PPP2CA: variants seen among roughly 807,000 people sequenced by gnomAD.
PPP2CA encodes serine/threonine-protein phosphatase 2A catalytic subunit alpha isoform.
A neutral mutation model predicts 38.8 loss-of-function variants in PPP2CA; 5 were observed. That is an observed-to-expected ratio of 0.13 (90% CI 0.07 to 0.27). PPP2CA has a LOEUF of 0.27. Ranked by LOEUF, PPP2CA falls within the 10% of genes least tolerant of loss-of-function variation. The probability of loss-of-function intolerance (pLI) is 1.00; values close to 1 mark genes in which losing one functional copy is unlikely to be tolerated. For missense variants in PPP2CA, 88 were observed against 389.7 expected, an observed-to-expected ratio of 0.23 and a Z score of 6.52; for synonymous variants, 152 against 134.0, an observed-to-expected ratio of 1.13 and a Z score of -0.93.
At chr5:134,200,525 C>G in intron 4 of PPP2CA, 29 bp from the exon 5 acceptor site, 1 of 1,604,840 alleles carries the variant, frequency 6.2e-7, no homozygotes, top group East Asian at 2.2e-5. Flanking sequence ...TTATAAAATG[C>G]CTTTTACAAA....
At chr5:134,199,267 C>G in intron 5 of PPP2CA, 63 bp from the exon 6 acceptor site, 1 of 1,247,344 alleles carries the variant, frequency 8.0e-7, no homozygotes, top group Non-Finnish European at 1.2e-6. Flanking sequence ...TGTTACTTCA[C>G]TCAAGAGAGA....
intron 6 of PPP2CA, 104 bp from the exon 7 acceptor site, chr5:134,197,948 T>G: frequency 1.0e-6 from 1 of 973,858 alleles, no homozygotes. Context: ...CCTATTCAAT[T>G]TTGGCTTGTC....
intron 1 of PPP2CA, among the ~76,000 whole-genome samples, chr5:134,215,575 A>AAAAAAT (rs150330825): frequency 3.3e-5 from 5 of 149,256 alleles, no homozygotes; most frequent in South Asian, 2.1e-4. Flanking sequence ...ACTCCATCTC[A>AAAAAAT]AAAAATAAAA....
rs752698083 is a variant in PPP2CA, at chr5:134,206,228, C to G, written c.103-97G>C. ...CACTTAATGTAGCTTAAGGGGCAGACTCAGTCTAAGATAAAATTGCAGGCA... is the reference window on the plus strand; with the variant it reads ...CACTTAATGTAGCTTAAGGGGCAGAGTCAGTCTAAGATAAAATTGCAGGCA... On this transcript the variant is annotated intron_variant, in intron 1 of 6. Transcript: ENST00000481195. 181 of 1,041,348 alleles carry G rather than the reference C, an allele frequency of 1.7e-4. 1 individual carries two copies. Among genetic ancestry groups the G allele is most frequent in the Non-Finnish European group, 1.3e-4 (94 of 702,806 alleles). The allele number at this position is 1,041,348 out of a possible 1,614,324, so 64.5% of individuals were successfully genotyped here.
At chr5:134,225,563 G>A in intron 1 of PPP2CA, 197 bp downstream of exon 1, 1 of 500,576 alleles carries the variant, frequency 2.0e-6, no homozygotes, top group South Asian at 2.6e-5. Flanking sequence ...TTAGGCGGCG[G>A]CGGCAACCAA....
chr5:134,223,877 T>A (rs1460808277), intron 1 of PPP2CA, among the ~76,000 whole-genome samples: 1 of 152,246 alleles, frequency 6.6e-6, no homozygotes, highest in Non-Finnish European at 1.5e-5. Flanking sequence ...TCAATAGATG[T>A]TCAATATTAA....
In PPP2CA at chr5:134,206,024, T is replaced by C. The variant is rs1762076048; in HGVS notation, c.210A>G (p.Arg70=). 3.7e-6 allele frequency: 6 copies of C among 1,614,080 alleles called. No homozygotes were observed. The highest frequency in any genetic ancestry group is 5.1e-6 in the Non-Finnish European group (6 of 1,179,934). ...GQFHDLMELF[R]IGGKSPDTNY... ...TTGTATCTGGTGATTTGCCACCAATTCTAAACAGTTCCATGAGATCATGAA... is the reference window on the plus strand; with the variant it reads ...TTGTATCTGGTGATTTGCCACCAATCCTAAACAGTTCCATGAGATCATGAA... Residue 70 remains arginine (R), a synonymous_variant, in exon 2 of 7, where the codon AGA becomes AGG. Coordinates refer to ENST00000481195, the MANE Select transcript of PPP2CA (RefSeq NM_002715.4).
At chr5:134,214,861 C>A (rs944177369) in intron 1 of PPP2CA, among the ~76,000 whole-genome samples, 1 of 151,968 alleles carries the variant, frequency 6.6e-6, no homozygotes, top group East Asian at 1.9e-4. Flanking sequence ...AAAGTTATCA[C>A]GTCTTGCCAT....
intron 1 of PPP2CA, among the ~76,000 whole-genome samples, chr5:134,212,514 AT>A (rs1762224145): frequency 6.6e-6 from 1 of 152,130 alleles, no homozygotes; most frequent in South Asian, 2.1e-4. Flanking sequence ...GGGCCTCCCT[AT>A]CCCCTGAGAC....
intron 1 of PPP2CA, among the ~76,000 whole-genome samples, chr5:134,206,342 C>A (rs906681725): frequency 2.6e-4 from 40 of 152,174 alleles, no homozygotes; most frequent in Admixed American, 2.0e-3. Flanking sequence ...GCATTCCTAT[C>A]ATCAATACCA....
At chr5:134,210,717 T>TA in intron 1 of PPP2CA, among the ~76,000 whole-genome samples, 1 of 151,996 alleles carries the variant, frequency 6.6e-6, no homozygotes, top group East Asian at 1.9e-4. Context: ...CTTGTAATCC[T>TA]AGCTACTCAG....
At chr5:134,206,897 G>A (rs902497618) in intron 1 of PPP2CA, among the ~76,000 whole-genome samples, 1 of 152,196 alleles carries the variant, frequency 6.6e-6, no homozygotes, top group African/African-American at 2.4e-5. Flanking sequence ...TCCCACTACC[G>A]TAGAGGGGAG....
intron 1 of PPP2CA, among the ~76,000 whole-genome samples, chr5:134,221,900 G>A (rs1271492049): frequency 3.3e-5 from 5 of 151,336 alleles, no homozygotes; most frequent in South Asian, 2.1e-4. Context: ...CCTGGGAGGT[G>A]GAGGTTGCAG....
At chr5:134,204,119 TTCAGA>T (rs1762026796) in intron 2 of PPP2CA, among the ~76,000 whole-genome samples, 1 of 152,330 alleles carries the variant, frequency 6.6e-6, no homozygotes, top group South Asian at 2.1e-4. Flanking sequence ...CTTTACACAA[TTCAGA>T]TATTAATCAA....
intron 1 of PPP2CA, among the ~76,000 whole-genome samples, chr5:134,213,606 C>G (rs1056638327): frequency 1.3e-5 from 2 of 151,632 alleles, no homozygotes; most frequent in African/African-American, 4.8e-5. Flanking sequence ...GGCAATGTGG[C>G]GAGACCCTGT....
At chr5:134,214,655 AC>A (rs1422233394) in intron 1 of PPP2CA, among the ~76,000 whole-genome samples, 4 of 152,192 alleles carry the variant, frequency 2.6e-5, no homozygotes, top group Non-Finnish European at 4.4e-5. Flanking sequence ...CTCCTCTTAT[AC>A]AAGTTGTCCA....
intron 1 of PPP2CA, among the ~76,000 whole-genome samples, chr5:134,223,367 T>C (rs578091932): frequency 1.3e-5 from 2 of 152,338 alleles, no homozygotes; most frequent in South Asian, 2.1e-4. Context: ...CATCAGTTCA[T>C]GGATTCTACA....
In PPP2CA at chr5:134,201,041, T is replaced by C. The variant is rs1761958167; in HGVS notation, c.520A>G (p.Ile174Val). ...FCLHGGLSPS[I>V]DTLDHIRALD... ...GCTCTGATATGATCCAGTGTATCTA[T>C]AGATGGCGAGAGACCACCATGTAGA... Residue 174 changes from isoleucine to valine, a missense_variant, in exon 4 of 7, where the codon ATA (isoleucine) becomes GTA (valine). Transcript: ENST00000481195. 3 of 1,613,246 alleles carry C rather than the reference T, an allele frequency of 1.9e-6. No homozygotes were observed. The highest frequency in any genetic ancestry group is 2.5e-6 in the Non-Finnish European group (3 of 1,179,134).
Position 134,197,592 on chromosome 5 carries a change from G to A in PPP2CA, c.*180C>T. Reference sequence around the variant, plus strand: ...GCAATGAACTGGTTCATTCTAAAGTGGTCACGGCTGTTGATGACAAGAGGC... The same window carrying A: ...GCAATGAACTGGTTCATTCTAAAGTAGTCACGGCTGTTGATGACAAGAGGC... On this transcript the variant is annotated 3_prime_UTR_variant, in exon 7 of 7. Coordinates refer to ENST00000481195, the MANE Select transcript of PPP2CA (RefSeq NM_002715.4). The A allele has an allele frequency of 1.7e-6, 1 of 591,282 alleles. No homozygotes were observed. Among genetic ancestry groups the A allele is most frequent in the South Asian group, 2.1e-5 (1 of 47,280 alleles). 36.6% of individuals were successfully genotyped at this position (591,282 alleles called of 1,614,324 possible). A position where few individuals can be genotyped will look rare whatever the true frequency, so the allele number is the denominator to read the frequency against.
Sources: allele counts gnomAD v4.1 joint callset (sites outside exome capture counted in the v4.1 genomes callset), GRCh38; gene constraint gnomAD v4.1.1; transcripts MANE v1.5; gene names NCBI Gene and HGNC (gene_info 2026-07-23, HGNC 2026-07-21).